Variants in PTPN20 observed in about 807,000 individuals in gnomAD.
The protein encoded by PTPN20 is tyrosine-protein phosphatase non-receptor type 20.
Under a neutral mutation model 35.0 loss-of-function variants are expected in PTPN20, and 9 were observed. That is an observed-to-expected ratio of 0.26 (90% CI 0.15 to 0.45). PTPN20 has a LOEUF of 0.45. PTPN20 is among the 20% of genes least tolerant of loss of function. The probability of loss-of-function intolerance (pLI) is 1.00; values close to 1 mark genes in which losing one functional copy is unlikely to be tolerated. For missense variants in PTPN20, 111 were observed against 312.5 expected, an observed-to-expected ratio of 0.36 and a Z score of 4.86; for synonymous variants, 32 against 100.2, an observed-to-expected ratio of 0.32 and a Z score of 4.06.
intron 5 of PTPN20, among the ~76,000 whole-genome samples, chr10:46,952,739 TTTAC>T (rs2047067655): frequency 6.6e-6 from 1 of 151,822 alleles, no homozygotes; most frequent in Non-Finnish European, 1.5e-5. Flanking sequence ...TAGTTTTCTG[TTTAC>T]TTAATCACCT....
At chr10:46,999,734 C>T (rs2059770804) in intron 9 of PTPN20, among the ~76,000 whole-genome samples, 178 bp from the exon 10 acceptor site, 1 of 152,162 alleles carries the variant, frequency 6.6e-6, no homozygotes, top group Non-Finnish European at 1.5e-5. Context: ...CTCCTGAAAA[C>T]CTATTAAAAT....
intron 7 of PTPN20, among the ~76,000 whole-genome samples, chr10:46,976,356 A>T (rs2053583844): frequency 3.0e-5 from 3 of 101,610 alleles, no homozygotes; most frequent in Admixed American, 1.0e-4. Flanking sequence ...TAATTGTTTG[A>T]TTGGAGATGG....
chr10:46,994,646 T>C (rs1589988153), intron 9 of PTPN20, among the ~76,000 whole-genome samples: 1 of 152,178 alleles, frequency 6.6e-6, no homozygotes, highest in African/African-American at 2.4e-5. Context: ...GATGCTCTTA[T>C]ACCTGAATAT....
chr10:46,940,808 C>T (rs2043231862), intron 3 of PTPN20, 91 bp downstream of exon 3: 2 of 1,222,086 alleles, frequency 1.6e-6, no homozygotes, highest in East Asian at 2.4e-5. Context: ...CTATTTGGTT[C>T]TCACCAAAAT....
chr10:46,983,132 A>G (rs1408144820), intron 7 of PTPN20, among the ~76,000 whole-genome samples: 1 of 147,172 alleles, frequency 6.8e-6, no homozygotes, highest in Non-Finnish European at 1.5e-5. Flanking sequence ...GCTGAAGTAC[A>G]GTGGCGCGGT....
intron 1 of PTPN20, among the ~76,000 whole-genome samples, chr10:46,925,542 C>T (rs2036977648): frequency 7.5e-6 from 1 of 134,008 alleles, no homozygotes. Flanking sequence ...TTTTTTTTTC[C>T]AGGCTGCAGA....
intron 1 of PTPN20, among the ~76,000 whole-genome samples, chr10:46,912,669 GT>G (rs1324042242): frequency 7.7e-6 from 1 of 130,194 alleles, no homozygotes; most frequent in Non-Finnish European, 1.5e-5. Context: ...GTTGGGTAGA[GT>G]TTTTTTCAAG....
intron 1 of PTPN20, among the ~76,000 whole-genome samples, chr10:46,927,904 G>A (rs1361243116): frequency 1.3e-5 from 2 of 151,640 alleles, no homozygotes; most frequent in Non-Finnish European, 2.9e-5. Flanking sequence ...ACAGACAAAT[G>A]GACAAACAGA....
chr10:46,999,791 G>C, intron 9 of PTPN20, 121 bp from the exon 10 acceptor site: 1 of 1,189,012 alleles, frequency 8.4e-7, no homozygotes, highest in Non-Finnish European at 1.2e-6. Flanking sequence ...ACATTTTCTT[G>C]TGAGTGAAAA....
At chr10:46,919,179 G>C (rs1414556435) in intron 1 of PTPN20, among the ~76,000 whole-genome samples, 1 of 152,206 alleles carries the variant, frequency 6.6e-6, no homozygotes, top group East Asian at 1.9e-4. Flanking sequence ...TTATATGTAC[G>C]GTGGGTTCCT....
chr10:47,003,007 A>C (rs2060132050), downstream of PTPN20, among the ~76,000 whole-genome samples: 1 of 152,044 alleles, frequency 6.6e-6, no homozygotes, highest in South Asian at 2.1e-4. Context: ...TCCTCGGAAG[A>C]ATTCGTTTTC....
At chr10:46,980,078 C>T (rs1163627851) in intron 7 of PTPN20, among the ~76,000 whole-genome samples, 3 of 148,504 alleles carry the variant, frequency 2.0e-5, no homozygotes, top group Non-Finnish European at 3.0e-5. Flanking sequence ...AACAAAAATT[C>T]AGTGGCCTTC....
At position 46,963,754 on chromosome 10, in the gene PTPN20, T is replaced by C; in HGVS notation, c.341-1232T>C. On this transcript the variant is annotated intron_variant, in intron 5 of 10. Coordinates refer to ENST00000374339, the MANE Select transcript of PTPN20 (RefSeq NM_001042357.5). ...ACTAACCAGAGGGGTAGAATCGGTG[T>C]TGGGGAGTCAACACCAGTGTTTGTT... is the stretch of plus-strand genomic sequence containing the variant. 2.2e-5 allele frequency among the ~76,000 whole-genome samples: 2 copies of C among 92,208 alleles called. 1 individual carries two copies. The highest frequency in any genetic ancestry group is 3.9e-5 in the Non-Finnish European group (2 of 51,436). 60.5% of individuals were successfully genotyped at this position (92,208 alleles called of 152,430 possible).
At chr10:46,923,656 T>C (rs1305583151) in intron 1 of PTPN20, among the ~76,000 whole-genome samples, 1 of 151,454 alleles carries the variant, frequency 6.6e-6, no homozygotes, top group Non-Finnish European at 1.5e-5. Context: ...TTCTTTAGTA[T>C]TTTGTTGATT....
chr10:46,998,831 A>ATG (rs2059599166), intron 9 of PTPN20, among the ~76,000 whole-genome samples: 3 of 114,844 alleles, frequency 2.6e-5, no homozygotes, highest in African/African-American at 7.9e-5. Flanking sequence ...ATAAAATAAA[A>ATG]TTTTTTTATG....
At chr10:46,937,149 G>A (rs1273219919) in intron 2 of PTPN20, among the ~76,000 whole-genome samples, 1 of 145,336 alleles carries the variant, frequency 6.9e-6, no homozygotes, top group Non-Finnish European at 1.5e-5. Flanking sequence ...ATATTTTCAG[G>A]GTATAGAATT....
At chr10:46,998,420 A>G (rs1225128318) in intron 9 of PTPN20, among the ~76,000 whole-genome samples, 2 of 152,196 alleles carry the variant, frequency 1.3e-5, no homozygotes, top group Non-Finnish European at 2.9e-5. Context: ...GAATTTTGCT[A>G]TTTCTTCTTG....
At chr10:46,944,848 A>G (rs562134119) in intron 4 of PTPN20, among the ~76,000 whole-genome samples, 1 of 148,200 alleles carries the variant, frequency 6.7e-6, no homozygotes, top group South Asian at 2.1e-4. Context: ...AGACAAATTG[A>G]TGTACAACAT....
chr10:46,951,069 G>GT (rs2046485209), intron 5 of PTPN20, among the ~76,000 whole-genome samples: 1 of 150,792 alleles, frequency 6.6e-6, no homozygotes, highest in South Asian at 2.1e-4. Flanking sequence ...ATTCCCTAAA[G>GT]TAAGATAGTT....
Sources: allele counts gnomAD v4.1 joint callset (sites outside exome capture counted in the v4.1 genomes callset), GRCh38; gene constraint gnomAD v4.1.1; transcripts MANE v1.5; gene names NCBI Gene and HGNC (gene_info 2026-07-23, HGNC 2026-07-21).